Variants in NCMAP observed in about 807,000 individuals in gnomAD.
NCMAP encodes non-compact myelin associated protein.
Under a neutral mutation model 7.8 loss-of-function variants are expected in NCMAP, and 8 were observed. The ratio of observed to expected loss-of-function variants is 1.02; its 90% CI spans 0.60 to 1.84. The LOEUF is 1.84. Ranked by LOEUF, NCMAP falls within the 40% of genes most tolerant of loss-of-function variation. NCMAP has a pLI of 0.00. For missense variants in NCMAP, 112 were observed against 131.4 expected (o/e 0.85, Z 0.72); for synonymous variants, 41 against 52.9 (o/e 0.78, Z 0.98).
At chr1:24,600,313 G>C (rs189057041) in intron 2 of NCMAP, among the ~76,000 whole-genome samples, 30 of 151,746 alleles carry the variant, frequency 2.0e-4, no homozygotes, top group Admixed American at 2.6e-4. Flanking sequence ...ACCACACCTG[G>C]CTAATTTTTA....
chr1:24,597,519 A>T (rs1376423841), intron 2 of NCMAP, among the ~76,000 whole-genome samples: 1 of 21,340 alleles, frequency 4.7e-5, no homozygotes, highest in Non-Finnish European at 7.8e-5. Flanking sequence ...AAGAGAAGGA[A>T]GGGGGGGGGG....
At chr1:24,604,267 T>C (rs115894469) in intron 3 of NCMAP, among the ~76,000 whole-genome samples, 5,170 of 152,126 alleles carry the variant, frequency 0.034, 136 homozygotes, top group Middle Eastern at 0.11. Flanking sequence ...CCCTGAAGAT[T>C]TGACATTTTT....
At position 24,608,047 on chromosome 1, in the gene NCMAP, G is replaced by A. The variant is rs1438468806; in HGVS notation, c.*2300G>A. 6.6e-6 allele frequency: 1 copy of A among 152,184 alleles called. No homozygotes were observed. The highest frequency in any genetic ancestry group is 1.5e-5 in the Non-Finnish European group (1 of 68,042). 9.4% of individuals were successfully genotyped at this position (152,184 alleles called of 1,614,324 possible). On this transcript the variant is annotated 3_prime_UTR_variant, in exon 4 of 4. Coordinates refer to ENST00000374392, the MANE Select transcript of NCMAP (RefSeq NM_001010980.5). ...CCTACTGTGTTTAAATATCCACCAA[G>A]TGTCAAGGACTTTGTAAGATGCTTT...
intron 1 of NCMAP, chr1:24,564,030 A>G (rs1409275837): frequency 2.0e-5 from 3 of 152,208 alleles, no homozygotes; most frequent in African/African-American, 7.2e-5. Context: ...AAAAAAAGTC[A>G]TAAGAGAGAA....
In NCMAP at chr1:24,602,321, TCCTGTAATCCCAGCAC is replaced by T. The variant is rs1652528246; in HGVS notation, c.167+1298_167+1313del. Among the ~76,000 whole-genome samples, 55 of 149,660 alleles carry T rather than the reference TCCTGTAATCCCAGCAC, an allele frequency of 3.7e-4. 3 individuals carry two copies. The highest frequency in any genetic ancestry group is 1.4e-3 in the African/African-American group (54 of 39,326). On this transcript the variant is annotated intron_variant, in intron 3 of 3. Coordinates refer to ENST00000374392, the MANE Select transcript of NCMAP (RefSeq NM_001010980.5). ...TGTTTTTATAAGAATATGAATATTATCCTGTAATCCCAGCACTTTGAGAGGCCGAGGCGGGCGGATC... is the reference window on the plus strand; with the variant it reads ...TGTTTTTATAAGAATATGAATATTATTTTGAGAGGCCGAGGCGGGCGGATC...
At chr1:24,601,898 G>A (rs774939374) in intron 3 of NCMAP, among the ~76,000 whole-genome samples, 11 of 152,078 alleles carry the variant, frequency 7.2e-5, no homozygotes, top group African/African-American at 1.4e-4. Context: ...AAAATTAGCC[G>A]GGTGTGGCGG....
intron 2 of NCMAP, among the ~76,000 whole-genome samples, chr1:24,596,700 A>G (rs1652240919): frequency 6.6e-6 from 1 of 152,202 alleles, no homozygotes; most frequent in Non-Finnish European, 1.5e-5. Context: ...CAAACAGACA[A>G]ACAAAAATCC....
chr1:24,568,140 C>T (rs1651283300), intron 1 of NCMAP, among the ~76,000 whole-genome samples: 1 of 152,006 alleles, frequency 6.6e-6, no homozygotes, highest in Non-Finnish European at 1.5e-5. Context: ...CTTGTCACGG[C>T]CTCCCTCTCA....
Position 24,559,844 on chromosome 1 carries a change from G to A in NCMAP, c.-8+3675G>A, listed in dbSNP as rs553654124. On this transcript the variant is annotated intron_variant, in intron 1 of 3. Transcript: ENST00000374392. Reference sequence around the variant, plus strand: ...TCAGTTTCCTAATTTAACCAGAGACGATAGTACCCTCTGCAATCATCTATT... The same window carrying A: ...TCAGTTTCCTAATTTAACCAGAGACAATAGTACCCTCTGCAATCATCTATT... Among the ~76,000 whole-genome samples the A allele has an allele frequency of 6.6e-5, 10 of 152,316 alleles. No individual in the cohort carries two copies. The South Asian group carries it at 1.2e-3, about 19-fold the overall frequency.
At chr1:24,602,704 C>A (rs2148939233) in intron 3 of NCMAP, among the ~76,000 whole-genome samples, 1 of 150,616 alleles carries the variant, frequency 6.6e-6, no homozygotes, top group African/African-American at 2.4e-5. Context: ...GAGTTTGAGA[C>A]CAGCTTGGGC....
In NCMAP at chr1:24,597,663, GAAAGAA is replaced by G. The variant is rs1557602676; in HGVS notation, c.82+2153_82+2158del. ...AGAAAGAAAGAAAGAAAGAAAGAAA[GAAAGAA>G]AGAAAAGAAAAAGAAAGAAAGAAAG... On this transcript the variant is annotated intron_variant, in intron 2 of 3. Coordinates refer to ENST00000374392, the MANE Select transcript of NCMAP (RefSeq NM_001010980.5). 1.2e-4 allele frequency among the ~76,000 whole-genome samples: 16 copies of G among 137,410 alleles called. No individual in the cohort carries two copies. The South Asian group carries it at 3.0e-3, about 26-fold the overall frequency. 90.1% of individuals were successfully genotyped at this position (137,410 alleles called of 152,430 possible).
intron 1 of NCMAP, among the ~76,000 whole-genome samples, chr1:24,593,369 T>A (rs755852003): frequency 6.6e-6 from 1 of 152,040 alleles, no homozygotes; most frequent in Non-Finnish European, 1.5e-5. Flanking sequence ...GGTGAATGCC[T>A]GTAGTCCCAG....
intron 1 of NCMAP, among the ~76,000 whole-genome samples, chr1:24,583,348 G>A (rs1245260467): frequency 6.6e-6 from 1 of 152,148 alleles, no homozygotes; most frequent in East Asian, 1.9e-4. Context: ...TACCAAGGAT[G>A]AGAAACTCTG....
chr1:24,564,582 G>A (rs1451262768), intron 1 of NCMAP, among the ~76,000 whole-genome samples: 2 of 142,312 alleles, frequency 1.4e-5, no homozygotes, highest in South Asian at 2.2e-4. Flanking sequence ...TTCCCAAAAG[G>A]AAAGAAAAAT....
chr1:24,579,089 C>G (rs934346057), intron 1 of NCMAP, among the ~76,000 whole-genome samples: 79 of 152,262 alleles, frequency 5.2e-4, no homozygotes, highest in Middle Eastern at 3.4e-3. Context: ...GAGGCTGGAG[C>G]CCCTGGTCCC....
At chr1:24,573,899 A>T (rs1275260403) in intron 1 of NCMAP, among the ~76,000 whole-genome samples, 1 of 143,790 alleles carries the variant, frequency 7.0e-6, no homozygotes, top group African/African-American at 2.7e-5. Flanking sequence ...GACGGGGAAG[A>T]TCCGCTCCCA....
At chr1:24,557,878 G>A (rs1446227284) in intron 1 of NCMAP, among the ~76,000 whole-genome samples, 1 of 152,114 alleles carries the variant, frequency 6.6e-6, no homozygotes, top group Non-Finnish European at 1.5e-5. Context: ...TTGAGGAACT[G>A]GCTGGGCTCT....
At chr1:24,585,729 C>T (rs1032644041) in intron 1 of NCMAP, among the ~76,000 whole-genome samples, 1 of 152,158 alleles carries the variant, frequency 6.6e-6, no homozygotes, top group African/African-American at 2.4e-5. Context: ...AGCCACAGCC[C>T]CTGTGTCCCA....
chr1:24,564,529 A>C (rs1306470583), intron 1 of NCMAP, among the ~76,000 whole-genome samples: 1 of 117,632 alleles, frequency 8.5e-6, no homozygotes, highest in Admixed American at 8.8e-5. Flanking sequence ...AAAAAAAAAA[A>C]AAACAAAAAA....
Sources: gnomAD v4.1 joint callset for allele counts (sites outside exome capture counted in the v4.1 genomes callset) on GRCh38, gnomAD v4.1.1 for gene constraint, MANE v1.5 for transcripts, NCBI Gene and HGNC (gene_info 2026-07-23, HGNC 2026-07-21) for gene names.